NBAS: variants seen among roughly 807,000 people sequenced by gnomAD.
NBAS encodes the protein NAG/BC035112 fusion.
Under a neutral mutation model 302.5 loss-of-function variants are expected in NBAS, and 219 were observed. The ratio of observed to expected loss-of-function variants is 0.72; its 90% CI spans 0.65 to 0.81. The LOEUF is 0.81. NBAS is among the 30% of genes least tolerant of loss of function. NBAS has a pLI of 0.00. For synonymous variants in NBAS, 1,118 were observed against 1,021.6 expected (o/e 1.09, Z -1.80); for missense variants, 2,932 against 2,841.6 (o/e 1.03, Z -0.72).
the NBAS span, among the ~76,000 whole-genome samples, chr2:14,864,574 A>C: frequency 6.6e-6 from 1 of 152,104 alleles, no homozygotes; most frequent in Non-Finnish European, 1.5e-5. Context: ...CTTCATTTTG[A>C]GTTTGTGGTG....
chr2:15,120,263 C>T, the NBAS span, among the ~76,000 whole-genome samples: 125 of 152,294 alleles, frequency 8.2e-4, no homozygotes, highest in Middle Eastern at 3.4e-3. Flanking sequence ...GCCTGTTCCA[C>T]GCCAGGGTAT....
At chr2:15,415,165 C>G (rs775770723) in intron 25 of NBAS, among the ~76,000 whole-genome samples, 1 of 152,124 alleles carries the variant, frequency 6.6e-6, no homozygotes, top group African/African-American at 2.4e-5. Context: ...CACTTTATAT[C>G]ACAATTTTCA....
At chr2:15,191,690 C>T (rs1020397197) in intron 48 of NBAS, among the ~76,000 whole-genome samples, 1 of 152,182 alleles carries the variant, frequency 6.6e-6, no homozygotes, top group Non-Finnish European at 1.5e-5. Flanking sequence ...ATAATCAGAT[C>T]AGGATGTTCT....
At chr2:15,249,056 A>C (rs1474042551) in intron 44 of NBAS, among the ~76,000 whole-genome samples, 1 of 152,192 alleles carries the variant, frequency 6.6e-6, no homozygotes, top group African/African-American at 2.4e-5. Context: ...ATCGATGCAA[A>C]AATCCTCAAT....
the NBAS span, among the ~76,000 whole-genome samples, chr2:14,895,292 G>C: frequency 6.6e-6 from 1 of 151,930 alleles, no homozygotes; most frequent in Non-Finnish European, 1.5e-5. Flanking sequence ...ATATTACTTT[G>C]ACAAGAAGGT....
the NBAS span, among the ~76,000 whole-genome samples, chr2:15,148,781 T>C: frequency 6.6e-6 from 1 of 152,188 alleles, no homozygotes. Flanking sequence ...AAGGCTTTCT[T>C]GGAGTATTGT....
the NBAS span, among the ~76,000 whole-genome samples, chr2:15,022,674 T>A: frequency 0.33 from 50,418 of 151,956 alleles, 9,882 homozygotes; most frequent in East Asian, 0.56. Context: ...CCAAGACATA[T>A]CTATTTCTCT....
chr2:14,785,193 T>A, the NBAS span, among the ~76,000 whole-genome samples: 1 of 152,222 alleles, frequency 6.6e-6, no homozygotes, highest in African/African-American at 2.4e-5. Context: ...TTGCTGAAGG[T>A]GCTTATCAGC....
At chr2:15,516,072 A>C (rs1030207966) in intron 9 of NBAS, among the ~76,000 whole-genome samples, 1 of 152,200 alleles carries the variant, frequency 6.6e-6, no homozygotes. Context: ...AGAATTTGAT[A>C]TTTTTAAGGA....
At chr2:15,006,615 T>G in the NBAS span, among the ~76,000 whole-genome samples, 3 of 152,212 alleles carry the variant, frequency 2.0e-5, no homozygotes, top group Non-Finnish European at 4.4e-5. Context: ...AAGACTAAAG[T>G]CAATACTTTA....
chr2:15,361,617 T>C (rs189490664), intron 32 of NBAS, among the ~76,000 whole-genome samples: 2 of 152,334 alleles, frequency 1.3e-5, no homozygotes, highest in East Asian at 1.9e-4. Flanking sequence ...AATTTGGATA[T>C]GTAGGCTAAA....
chr2:14,825,134 A>C, the NBAS span, among the ~76,000 whole-genome samples: 1 of 152,140 alleles, frequency 6.6e-6, no homozygotes, highest in African/African-American at 2.4e-5. Flanking sequence ...GGAATCTCCT[A>C]ACTCATCTTT....
At chr2:15,391,892 A>C (rs943856174) in intron 28 of NBAS, among the ~76,000 whole-genome samples, 1 of 151,972 alleles carries the variant, frequency 6.6e-6, no homozygotes, top group African/African-American at 2.4e-5. Context: ...AAAAAAAAAA[A>C]AACTGTCACA....
chr2:14,784,293 T>C, the NBAS span, among the ~76,000 whole-genome samples: 5 of 152,230 alleles, frequency 3.3e-5, no homozygotes, highest in African/African-American at 1.2e-4. Context: ...TGGTAGTTTC[T>C]TTTGCTGTGC....
Position 15,468,518 on chromosome 2 carries a change from G to A in NBAS, c.1741C>T (p.Arg581Ter), listed in dbSNP as rs767280377. The A allele has an allele frequency of 1.9e-5, 30 of 1,613,802 alleles. No homozygotes were observed. The highest frequency in any genetic ancestry group is 4.5e-5 in the East Asian group (2 of 44,872). ...AAACACTCATGGAGAACCCAGGATC[G>A]CTTCTTTATTTTACTCTGCATATAA... ...IQNYLSKIKKRSWVLHECLER... is the reference protein window; with the variant it reads ...IQNYLSKIKK Residue 581 changes from arginine (R) to a stop codon, truncating the protein, a stop_gained, in exon 17 of 52, where the codon CGA becomes TGA. Transcript: ENST00000281513. LOFTEE classifies it high-confidence loss of function.
chr2:15,001,890 C>T, the NBAS span, among the ~76,000 whole-genome samples: 47 of 152,102 alleles, frequency 3.1e-4, no homozygotes, highest in African/African-American at 9.9e-4. Context: ...TTGCAAAGAG[C>T]GAAAGAACAA....
At chr2:15,322,876 T>C (rs1057487432) in intron 38 of NBAS, among the ~76,000 whole-genome samples, 1 of 152,150 alleles carries the variant, frequency 6.6e-6, no homozygotes, top group Non-Finnish European at 1.5e-5. Flanking sequence ...TGATAGGGAA[T>C]AGGAAAATGC....
intron 42 of NBAS, among the ~76,000 whole-genome samples, chr2:15,277,688 T>C (rs1262309460): frequency 1.3e-5 from 2 of 152,236 alleles, no homozygotes; most frequent in Admixed American, 6.5e-5. Flanking sequence ...GTAATGCTAC[T>C]TAAATAAAAC....
chr2:14,805,305 C>G, the NBAS span, among the ~76,000 whole-genome samples: 1 of 151,984 alleles, frequency 6.6e-6, no homozygotes, highest in Admixed American at 6.6e-5. Context: ...AAAGGAATGG[C>G]AATTGGGAAA....
Sources: allele counts gnomAD v4.1 joint callset (sites outside exome capture counted in the v4.1 genomes callset), GRCh38; gene constraint gnomAD v4.1.1; transcripts MANE v1.5; gene names NCBI Gene and HGNC (gene_info 2026-07-23, HGNC 2026-07-21).